FTCDNL1: variants seen among roughly 807,000 people sequenced by gnomAD.
FTCDNL1 encodes formiminotransferase N-terminal subdomain-containing protein.
FTCDNL1 carries 11 observed loss-of-function variants against 5.9 expected under a neutral mutation model. The ratio of observed to expected loss-of-function variants is 1.87; its 90% CI spans 1.18 to 3.10. The LOEUF (loss-of-function observed/expected upper bound fraction) is 3.10, where lower values mean the gene tolerates loss of function less well. FTCDNL1 is among the 30% of genes most tolerant of loss of function. The pLI, the probability that FTCDNL1 is intolerant of heterozygous loss-of-function variation, is 0.00. For synonymous variants in FTCDNL1, 58 were observed against 24.8 expected (o/e 2.34, Z -3.99); for missense variants, 115 against 65.5 (o/e 1.76, Z -2.61).
the FTCDNL1 span, among the ~76,000 whole-genome samples, chr2:199,691,420 G>A: frequency 4.6e-5 from 7 of 152,156 alleles, no homozygotes; most frequent in African/African-American, 1.2e-4. Flanking sequence ...TAATCTGCCC[G>A]AAAGGTGGCC....
At chr2:199,675,848 T>C in the FTCDNL1 span, among the ~76,000 whole-genome samples, 3 of 152,306 alleles carry the variant, frequency 2.0e-5, no homozygotes, top group Admixed American at 2.0e-4. Context: ...CTTCCTGGGC[T>C]TGAGGGATCC....
chr2:199,743,035 G>A, the FTCDNL1 span, among the ~76,000 whole-genome samples: 3 of 152,208 alleles, frequency 2.0e-5, no homozygotes, highest in Non-Finnish European at 2.9e-5. Context: ...TGGAGGGCCA[G>A]CTGGAGGCTA....
At chr2:199,740,058 A>T in the FTCDNL1 span, among the ~76,000 whole-genome samples, 1 of 152,274 alleles carries the variant, frequency 6.6e-6, no homozygotes, top group East Asian at 1.9e-4. Context: ...GAAAACAACC[A>T]CTGTTTAAAG....
At chr2:199,761,641 T>C (rs987809620) in intron 3 of FTCDNL1, among the ~76,000 whole-genome samples, 1 of 152,202 alleles carries the variant, frequency 6.6e-6, no homozygotes, top group African/African-American at 2.4e-5. Context: ...TCTTCTGGTA[T>C]CCATGAAATA....
At position 199,811,257 on chromosome 2, in the gene FTCDNL1, T is replaced by A. The variant is rs755226215; in HGVS notation, c.*1448A>T. On this transcript the variant is annotated 3_prime_UTR_variant, in exon 5 of 5. Coordinates refer to ENST00000420128, the MANE Select transcript of FTCDNL1 (RefSeq NM_001363886.2). ...AGTTTTAACATTGCACAGAGTATAA[T>A]TGGAATTTTTGTCAATCTTAATGTT... 1.3e-5 allele frequency among the ~76,000 whole-genome samples: 2 copies of A among 152,262 alleles called. No individual in the cohort carries two copies. The highest frequency in any genetic ancestry group is 4.8e-5 in the African/African-American group (2 of 41,470).
chr2:199,730,499 A>G, the FTCDNL1 span, among the ~76,000 whole-genome samples: 3 of 152,222 alleles, frequency 2.0e-5, no homozygotes, highest in Admixed American at 1.3e-4. Context: ...TTATAAGAAA[A>G]AAACAAACAA....
the FTCDNL1 span, among the ~76,000 whole-genome samples, chr2:199,700,121 T>A: frequency 5.3e-5 from 8 of 152,138 alleles, no homozygotes; most frequent in Non-Finnish European, 1.2e-4. Context: ...TCTCTCTTCA[T>A]AGACAATATG....
chr2:199,668,705 T>G, the FTCDNL1 span, among the ~76,000 whole-genome samples: 1 of 152,158 alleles, frequency 6.6e-6, no homozygotes, highest in African/African-American at 2.4e-5. Context: ...AAAATAATAT[T>G]TTTAAAAATA....
At chr2:199,752,756 G>C in the FTCDNL1 span, among the ~76,000 whole-genome samples, 1 of 146,868 alleles carries the variant, frequency 6.8e-6, no homozygotes, top group African/African-American at 2.5e-5. Flanking sequence ...GTGTGTGTGT[G>C]TGTGTGTGTG....
the FTCDNL1 span, among the ~76,000 whole-genome samples, chr2:199,721,000 A>G: frequency 6.6e-6 from 1 of 152,186 alleles, no homozygotes; most frequent in African/African-American, 2.4e-5. Flanking sequence ...AGTCTAATCT[A>G]TCTCCAGGTT....
At chr2:199,806,032 A>AT (rs1395317406), downstream of FTCDNL1, among the ~76,000 whole-genome samples, 1 of 152,188 alleles carries the variant, frequency 6.6e-6, no homozygotes, top group East Asian at 1.9e-4. Flanking sequence ...TGTATCTCAC[A>AT]TCTTAACTCA....
chr2:199,835,940 C>G (rs758888191), intron 3 of FTCDNL1, among the ~76,000 whole-genome samples: 1 of 152,148 alleles, frequency 6.6e-6, no homozygotes, highest in South Asian at 2.1e-4. Context: ...CACAATGACT[C>G]CTGGTTTAAC....
chr2:199,728,371 T>A, the FTCDNL1 span, among the ~76,000 whole-genome samples: 1 of 152,022 alleles, frequency 6.6e-6, no homozygotes, highest in East Asian at 1.9e-4. Context: ...CTCAGCCACC[T>A]GAGTAGCTGG....
the FTCDNL1 span, among the ~76,000 whole-genome samples, chr2:199,720,953 A>G: frequency 6.6e-6 from 1 of 152,186 alleles, no homozygotes; most frequent in Non-Finnish European, 1.5e-5. Context: ...TAAGATACAA[A>G]TGTGATTTTC....
At chr2:199,799,378 G>A (rs920610771) in intron 3 of FTCDNL1, among the ~76,000 whole-genome samples, 3 of 152,198 alleles carry the variant, frequency 2.0e-5, no homozygotes, top group Non-Finnish European at 2.9e-5. Context: ...ACACCAAACC[G>A]TGGAATGCAT....
At chr2:199,696,499 A>C in the FTCDNL1 span, among the ~76,000 whole-genome samples, 1 of 152,182 alleles carries the variant, frequency 6.6e-6, no homozygotes, top group Non-Finnish European at 1.5e-5. Flanking sequence ...GCCTGGTCCC[A>C]GTGCCCCAGG....
At chr2:199,681,712 T>C in the FTCDNL1 span, among the ~76,000 whole-genome samples, 4 of 152,176 alleles carry the variant, frequency 2.6e-5, no homozygotes, top group Non-Finnish European at 5.9e-5. Context: ...TGGGCAAAAG[T>C]CACAAGACTC....
chr2:199,837,243 T>C (rs577295335), intron 3 of FTCDNL1, among the ~76,000 whole-genome samples: 1 of 152,324 alleles, frequency 6.6e-6, no homozygotes, highest in East Asian at 1.9e-4. Context: ...TCAATCTTAA[T>C]ATTTTAAGTA....
downstream of FTCDNL1, among the ~76,000 whole-genome samples, chr2:199,808,562 G>A (rs1349797315): frequency 6.6e-6 from 1 of 152,084 alleles, no homozygotes; most frequent in African/African-American, 2.4e-5. Context: ...AAAGATGTTT[G>A]GTTTTAAATA....
Sources: allele counts gnomAD v4.1 joint callset (sites outside exome capture counted in the v4.1 genomes callset), GRCh38; gene constraint gnomAD v4.1.1; transcripts MANE v1.5; gene names NCBI Gene and HGNC (gene_info 2026-07-23, HGNC 2026-07-21).